LNPK: variants seen among roughly 807,000 people sequenced by gnomAD.
LNPK encodes the protein endoplasmic reticulum junction formation protein lunapark.
In LNPK, 29 loss-of-function variants were observed where a neutral mutation model predicts 55.2. The ratio of observed to expected loss-of-function variants is 0.53; its 90% CI spans 0.39 to 0.72. LNPK has a LOEUF of 0.72. Among genes scored for constraint, LNPK ranks in the 30% least tolerant of loss-of-function variants. LNPK has a pLI of 0.00. For synonymous variants in LNPK, 162 were observed against 168.2 expected (o/e 0.96, Z 0.29); for missense variants, 467 against 494.8 (o/e 0.94, Z 0.53).
intron 4 of LNPK, among the ~76,000 whole-genome samples, chr2:175,987,178 T>A (rs1323329873): frequency 1.3e-5 from 2 of 152,162 alleles, no homozygotes; most frequent in Non-Finnish European, 2.9e-5. Flanking sequence ...ACTGGGTATA[T>A]ACCCAAAGGA....
intron 6 of LNPK, 95 bp from the exon 7 acceptor site, chr2:175,964,684 T>C: frequency 1.4e-6 from 1 of 694,580 alleles, no homozygotes; most frequent in East Asian, 2.7e-5. Context: ...ATCCTTAATA[T>C]ATCCAAATAG....
At chr2:175,946,413 T>G (rs1039170782) in intron 9 of LNPK, among the ~76,000 whole-genome samples, 1 of 152,154 alleles carries the variant, frequency 6.6e-6, no homozygotes, top group African/African-American at 2.4e-5. Context: ...CCTTAAGTAT[T>G]GTCATTATAT....
chr2:175,932,651 G>A (rs887763133), intron 12 of LNPK, among the ~76,000 whole-genome samples: 1 of 152,126 alleles, frequency 6.6e-6, no homozygotes, highest in Non-Finnish European at 1.5e-5. Flanking sequence ...CATTTTGTAA[G>A]AAGTCATCAA....
chr2:175,996,092 C>T (rs929015822), intron 1 of LNPK, among the ~76,000 whole-genome samples: 2 of 151,990 alleles, frequency 1.3e-5, no homozygotes, highest in Non-Finnish European at 2.9e-5. Flanking sequence ...GGATTATAGG[C>T]GTGAGCCATC....
Position 175,995,552 on chromosome 2 carries a change from C to T in LNPK, c.27+6G>A, listed in dbSNP as rs140365595. The stretch of plus-strand genomic sequence containing the variant: ...CAAGAACTAGCTGTAAAGAAAAGTA[C>T]CTTACCCTCCATCGAGAAAATAATC... On this transcript the variant is annotated splice_donor_region_variant and intron_variant, in intron 2 of 12. Transcript: ENST00000272748. 3 of 1,607,446 alleles carry T rather than the reference C, an allele frequency of 1.9e-6. No individual in the cohort carries two copies. Among genetic ancestry groups the T allele is most frequent in the East Asian group, 4.5e-5 (2 of 44,476 alleles).
intron 11 of LNPK, chr2:175,937,934 A>T (rs1443229225): frequency 5.6e-6 from 1 of 178,828 alleles, no homozygotes; most frequent in Admixed American, 6.0e-5. Flanking sequence ...TCAATTTACC[A>T]CAGTAGTTTT....
Position 175,938,383 on chromosome 2 carries a change from C to T in LNPK, c.813G>A (p.Arg271=), listed in dbSNP as rs1684654801. 3 of 1,574,368 alleles carry T rather than the reference C, an allele frequency of 1.9e-6. No individual in the cohort carries two copies. Among genetic ancestry groups the T allele is most frequent in the African/African-American group, 2.7e-5 (2 of 73,796 alleles). ...AACACTGCTGACATATAAGTGCATA[C>T]CTACACCGTAAGGAAAAATGAACAG... ...EYLVGDGPQN[R]YALICQQCFS... Residue 271 remains arginine (R), a splice_region_variant and synonymous_variant, in exon 11 of 13, where the codon AGG becomes AGA. Coordinates refer to ENST00000272748, the MANE Select transcript of LNPK (RefSeq NM_030650.3).
At chr2:175,935,700 A>AAG (rs1377818483) in intron 12 of LNPK, 151 of 860,878 alleles carry the variant, frequency 1.8e-4, no homozygotes, top group Non-Finnish European at 2.1e-4. Flanking sequence ...TTCATGTAAT[A>AAG]ACATTACCTT....
chr2:175,983,477 C>T (rs1216504484), intron 4 of LNPK, among the ~76,000 whole-genome samples: 1 of 152,004 alleles, frequency 6.6e-6, no homozygotes, highest in Non-Finnish European at 1.5e-5. Context: ...AAATGTACCA[C>T]AAAGTAAAAG....
chr2:175,973,415 C>T (rs1686749383), intron 5 of LNPK, among the ~76,000 whole-genome samples: 1 of 152,146 alleles, frequency 6.6e-6, no homozygotes, highest in South Asian at 2.1e-4. Flanking sequence ...TTTGGCCCTA[C>T]AAAATGACAA....
At chr2:175,933,920 A>G (rs1684411219) in intron 12 of LNPK, among the ~76,000 whole-genome samples, 1 of 152,064 alleles carries the variant, frequency 6.6e-6, no homozygotes, top group South Asian at 2.1e-4. Flanking sequence ...TTCAGTAGAG[A>G]CGAGGTCTCA....
chr2:175,951,605 A>ATATATATATATC (rs1441190050), intron 8 of LNPK, among the ~76,000 whole-genome samples: 18 of 129,700 alleles, frequency 1.4e-4, no homozygotes, highest in African/African-American at 5.2e-4. Flanking sequence ...ATATATATAT[A>ATATATATATATC]TATATCTCAG....
rs1172431379 is a variant in LNPK, at chr2:175,925,669, CTT to C, written c.*4296_*4297del. On this transcript the variant is annotated 3_prime_UTR_variant, in exon 13 of 13. Coordinates refer to ENST00000272748, the MANE Select transcript of LNPK (RefSeq NM_030650.3). ...CGTGGCAGATTCATTTTCTTTCTTT[CTT>C]TTTTTTTTTTGAGATGGAGTTTCAC... 5 of 148,302 alleles carry C rather than the reference CTT, an allele frequency of 3.4e-5. No individual in the cohort carries two copies. Among genetic ancestry groups the C allele is most frequent in the Non-Finnish European group, 5.9e-5 (4 of 67,986 alleles). 9.2% of individuals were successfully genotyped at this position (148,302 alleles called of 1,614,324 possible). A position where few individuals can be genotyped will look rare whatever the true frequency, so the allele number is the denominator to read the frequency against.
intron 8 of LNPK, among the ~76,000 whole-genome samples, chr2:175,960,370 G>C (rs1490004919): frequency 6.6e-6 from 1 of 152,044 alleles, no homozygotes; most frequent in East Asian, 1.9e-4. Context: ...TCTCAGACCA[G>C]GGTGCAATCA....
At chr2:175,995,512 C>G (rs1453285598) in intron 2 of LNPK, 46 bp downstream of exon 2, 1 of 1,499,054 alleles carries the variant, frequency 6.7e-7, no homozygotes, top group South Asian at 1.2e-5. Flanking sequence ...TTATGTGACA[C>G]TTTTATATTA....
intron 4 of LNPK, among the ~76,000 whole-genome samples, chr2:175,985,998 A>AT (rs1287760698): frequency 6.6e-6 from 1 of 152,134 alleles, no homozygotes; most frequent in Non-Finnish European, 1.5e-5. Flanking sequence ...TTAATCTATA[A>AT]TTTTTTCAAA....
intron 8 of LNPK, 107 bp from the exon 9 acceptor site, chr2:175,947,799 G>GC: frequency 3.2e-6 from 2 of 633,712 alleles, no homozygotes; most frequent in South Asian, 3.4e-5. Flanking sequence ...AGGCATTGTA[G>GC]TGTCAAAATT....
chr2:175,936,742 CAATAAATTCT>C, intron 12 of LNPK, among the ~76,000 whole-genome samples: 1 of 152,194 alleles, frequency 6.6e-6, no homozygotes, highest in Admixed American at 6.5e-5. Context: ...TTCTAAAACC[CAATAAATTCT>C]GATAAATTAT....
rs139531737 is a variant in LNPK, at chr2:175,969,796, G to A, written c.357+968C>T. Among the ~76,000 whole-genome samples the A allele has an allele frequency of 1.0e-3, 157 of 152,262 alleles. 1 individual carries two copies. Among genetic ancestry groups the A allele is most frequent in the African/African-American group, 3.4e-3 (140 of 41,562 alleles). On this transcript the variant is annotated intron_variant, in intron 6 of 12. Transcript: ENST00000272748. Reference sequence around the variant, plus strand: ...TAGGACCACCAAAATTGCCAATGCAGTTTTGATAAATACCTCACAGGACAC... The same window carrying A: ...TAGGACCACCAAAATTGCCAATGCAATTTTGATAAATACCTCACAGGACAC...
Sources: allele counts gnomAD v4.1 joint callset (sites outside exome capture counted in the v4.1 genomes callset), GRCh38; gene constraint gnomAD v4.1.1; transcripts MANE v1.5; gene names NCBI Gene and HGNC (gene_info 2026-07-23, HGNC 2026-07-21).